FCHSD2: variants seen among roughly 807,000 people sequenced by gnomAD.
FCHSD2 encodes the protein F-BAR and double SH3 domains protein 2.
In FCHSD2, 38 loss-of-function variants were observed where a neutral mutation model predicts 108.1. That is an observed-to-expected ratio of 0.35 (90% CI 0.27 to 0.46). The LOEUF is 0.46. Among genes scored for constraint, FCHSD2 ranks in the 20% least tolerant of loss-of-function variants. FCHSD2 has a pLI of 1.00. For missense variants in FCHSD2, 751 were observed against 897.8 expected (o/e 0.84, Z 2.09); for synonymous variants, 279 against 314.7 (o/e 0.89, Z 1.20).
intron 9 of FCHSD2, among the ~76,000 whole-genome samples, chr11:72,920,277 GAC>G (rs1161518049): frequency 1.1e-4 from 16 of 152,080 alleles, no homozygotes; most frequent in African/African-American, 3.9e-4. Context: ...CAAAAACAGA[GAC>G]AATTCTAGAA....
intron 2 of FCHSD2, among the ~76,000 whole-genome samples, chr11:73,117,511 T>C (rs1007459478): frequency 6.6e-6 from 1 of 152,242 alleles, no homozygotes; most frequent in African/African-American, 2.4e-5. Flanking sequence ...AAATTTCCTT[T>C]TGAATCATAC....
intron 2 of FCHSD2, among the ~76,000 whole-genome samples, chr11:73,115,603 G>A (rs1653687782): frequency 6.6e-6 from 1 of 152,206 alleles, no homozygotes; most frequent in East Asian, 1.9e-4. Context: ...GAAAACACGA[G>A]AGAGAAGGCA....
intron 2 of FCHSD2, among the ~76,000 whole-genome samples, chr11:73,133,328 CA>C: frequency 6.6e-6 from 1 of 152,256 alleles, no homozygotes; most frequent in Non-Finnish European, 1.5e-5. Flanking sequence ...ATGTTCATAG[CA>C]GCATTATTAA....
chr11:72,918,927 A>C (rs994130553), intron 9 of FCHSD2, among the ~76,000 whole-genome samples: 2 of 152,182 alleles, frequency 1.3e-5, no homozygotes, highest in Non-Finnish European at 2.9e-5. Flanking sequence ...TATACAAAGC[A>C]TTTCATAAAA....
intron 1 of FCHSD2, among the ~76,000 whole-genome samples, chr11:73,140,958 A>G (rs906591360): frequency 2.0e-5 from 3 of 152,244 alleles, no homozygotes; most frequent in African/African-American, 7.2e-5. Flanking sequence ...ATTAGGAAAG[A>G]GAGAAAGCAG....
intron 13 of FCHSD2, among the ~76,000 whole-genome samples, chr11:72,855,128 C>T (rs1247815308): frequency 1.3e-5 from 2 of 152,168 alleles, no homozygotes; most frequent in Non-Finnish European, 1.5e-5. Context: ...ACAAAATTAG[C>T]CGGGTGTGGT....
At chr11:73,031,331 C>A (rs935524312) in intron 3 of FCHSD2, among the ~76,000 whole-genome samples, 2 of 151,790 alleles carry the variant, frequency 1.3e-5, no homozygotes, top group Non-Finnish European at 2.9e-5. Flanking sequence ...TAAAAATTAG[C>A]CTGGTGTGGT....
chr11:72,890,723 A>G (rs1855296886), intron 10 of FCHSD2, among the ~76,000 whole-genome samples: 2 of 151,916 alleles, frequency 1.3e-5, no homozygotes, highest in Admixed American at 1.3e-4. Context: ...CATTTTATAG[A>G]AAAGAAAACA....
At chr11:72,949,226 G>A (rs1398677915) in intron 8 of FCHSD2, among the ~76,000 whole-genome samples, 1 of 151,974 alleles carries the variant, frequency 6.6e-6, no homozygotes, top group East Asian at 1.9e-4. Flanking sequence ...ATGGCGGGCA[G>A]ATCACCTGAG....
At chr11:72,877,589 T>C (rs72969874) in intron 12 of FCHSD2, among the ~76,000 whole-genome samples, 186 of 152,344 alleles carry the variant, frequency 1.2e-3, no homozygotes, top group Non-Finnish European at 2.0e-3. Flanking sequence ...CTTAGAGATA[T>C]ATTTATTCTA....
At chr11:73,036,778 C>T (rs555590276) in intron 3 of FCHSD2, among the ~76,000 whole-genome samples, 191 of 152,168 alleles carry the variant, frequency 1.3e-3, no homozygotes, top group Admixed American at 4.1e-3. Flanking sequence ...AAGTCTTCCT[C>T]CACAAATATT....
chr11:72,912,695 T>C (rs1405914204), intron 9 of FCHSD2, among the ~76,000 whole-genome samples: 1 of 152,164 alleles, frequency 6.6e-6, no homozygotes, highest in Non-Finnish European at 1.5e-5. Context: ...TTGAGTAAAA[T>C]TGGTATTAGT....
chr11:72,905,829 A>T (rs1855618205), intron 9 of FCHSD2, among the ~76,000 whole-genome samples: 1 of 152,194 alleles, frequency 6.6e-6, no homozygotes, highest in South Asian at 2.1e-4. Context: ...TTCTTAATCC[A>T]GTCTATCATT....
chr11:72,932,100 C>T (rs1022575490), intron 8 of FCHSD2, among the ~76,000 whole-genome samples: 2 of 152,168 alleles, frequency 1.3e-5, no homozygotes, highest in Non-Finnish European at 2.9e-5. Flanking sequence ...TGGCAGAAAC[C>T]TGGAAGTGAA....
chr11:73,125,965 A>G (rs1860845020), intron 2 of FCHSD2, among the ~76,000 whole-genome samples: 1 of 152,178 alleles, frequency 6.6e-6, no homozygotes, highest in Admixed American at 6.5e-5. Flanking sequence ...TGGCTATGAT[A>G]TAAAACCTTT....
chr11:73,089,519 G>A (rs1591544609), intron 2 of FCHSD2, among the ~76,000 whole-genome samples: 1 of 152,104 alleles, frequency 6.6e-6, no homozygotes, highest in East Asian at 1.9e-4. Flanking sequence ...TATCCAAACA[G>A]TACAAACAAC....
chr11:73,003,834 T>C (rs1196031637), intron 4 of FCHSD2, among the ~76,000 whole-genome samples: 1 of 151,046 alleles, frequency 6.6e-6, no homozygotes, highest in Non-Finnish European at 1.5e-5. Context: ...TCAGCCAGCG[T>C]GGTGGCTCAA....
chr11:72,870,553 TATAAA>T (rs540629081), intron 12 of FCHSD2, among the ~76,000 whole-genome samples: 42 of 152,160 alleles, frequency 2.8e-4, no homozygotes, highest in African/African-American at 1.0e-3. Context: ...TAATTTTTAA[TATAAA>T]AGAACTTCTC....
chr11:72,865,511 C>A (rs1404617976), intron 13 of FCHSD2, among the ~76,000 whole-genome samples: 1 of 152,156 alleles, frequency 6.6e-6, no homozygotes, highest in South Asian at 2.1e-4. Context: ...TTTCTCTGGA[C>A]AGGTCTCAAA....
Sources: gnomAD v4.1 joint callset for allele counts (sites outside exome capture counted in the v4.1 genomes callset) on GRCh38, gnomAD v4.1.1 for gene constraint, MANE v1.5 for transcripts, NCBI Gene and HGNC (gene_info 2026-07-23, HGNC 2026-07-21) for gene names.